The following ADAMTSL1 variants were observed in gnomAD, a reference collection of about 807,000 sequenced individuals.
The protein encoded by ADAMTSL1 is ADAMTS like 1, also known as ADAMTS-like protein 1.
Under a neutral mutation model 201.8 loss-of-function variants are expected in ADAMTSL1, and 126 were observed. The observed-to-expected ratio is 0.62, with a 90% CI of 0.54 to 0.72. The LOEUF is 0.72. Ranked by LOEUF, ADAMTSL1 falls within the 30% of genes least tolerant of loss-of-function variation. ADAMTSL1 has a pLI of 0.00. For synonymous variants in ADAMTSL1, 1,121 were observed against 903.4 expected (o/e 1.24, Z -4.32); for missense variants, 2,679 against 2,277.8 (o/e 1.18, Z -3.59).
chr9:18,565,943 T>C (rs2132310163), intron 3 of ADAMTSL1, among the ~76,000 whole-genome samples: 1 of 152,320 alleles, frequency 6.6e-6, no homozygotes, highest in African/African-American at 2.4e-5. Flanking sequence ...TTAAATGTTA[T>C]ATAAAATTTA....
chr9:18,302,737 G>T (rs773736299), intron 2 of ADAMTSL1, among the ~76,000 whole-genome samples: 22 of 152,202 alleles, frequency 1.4e-4, no homozygotes, highest in South Asian at 1.0e-3. Flanking sequence ...TCTTACTAAT[G>T]CTTAATGGTA....
At chr9:18,227,864 C>T (rs962508489) in intron 2 of ADAMTSL1, among the ~76,000 whole-genome samples, 5 of 152,112 alleles carry the variant, frequency 3.3e-5, no homozygotes, top group African/African-American at 1.2e-4. Flanking sequence ...GATACTGTGT[C>T]TTTCTTCATT....
intron 2 of ADAMTSL1, among the ~76,000 whole-genome samples, chr9:18,207,021 T>C (rs1040259011): frequency 4.0e-5 from 6 of 151,842 alleles, no homozygotes; most frequent in Non-Finnish European, 7.4e-5. Context: ...AAAAATTAGC[T>C]GGGCGTCGTG....
intron 2 of ADAMTSL1, among the ~76,000 whole-genome samples, chr9:18,390,980 G>C (rs564453657): frequency 1.3e-5 from 2 of 152,274 alleles, no homozygotes; most frequent in East Asian, 3.9e-4. Context: ...CTATAGGCTG[G>C]ATGTTGGGGT....
intron 2 of ADAMTSL1, among the ~76,000 whole-genome samples, chr9:18,277,711 T>C (rs1214641614): frequency 1.3e-5 from 2 of 152,206 alleles, no homozygotes; most frequent in Non-Finnish European, 1.5e-5. Context: ...GTTAGAACTT[T>C]TTTCAGTCCT....
intron 1 of ADAMTSL1, among the ~76,000 whole-genome samples, chr9:17,974,694 C>G (rs1818367498): frequency 6.6e-6 from 1 of 152,004 alleles, no homozygotes; most frequent in Non-Finnish European, 1.5e-5. Context: ...ATGGCAGGAT[C>G]TCCTTCTTTT....
At position 18,126,476 on chromosome 9, in the gene ADAMTSL1, C is replaced by T. The variant is rs184063527; in HGVS notation, c.88-37386C>T. Among the ~76,000 whole-genome samples the T allele has an allele frequency of 1.7e-4, 26 of 152,312 alleles. No homozygotes were observed. In the East Asian group the frequency reaches 4.8e-3, roughly 28 times the overall value. ...CCCCTTTGGCGTTGTCTTTATCACA[C>T]TGTACTGCAGCCATCTGTTTACTTG... On this transcript the variant is annotated intron_variant, in intron 1 of 29. Coordinates refer to the ADAMTSL1 transcript ENST00000680146.
At chr9:18,655,957 A>G (rs1828631050) in intron 7 of ADAMTSL1, among the ~76,000 whole-genome samples, 1 of 152,036 alleles carries the variant, frequency 6.6e-6, no homozygotes, top group East Asian at 1.9e-4. Context: ...TTTGTGAAAG[A>G]CACTGCATTG....
At chr9:18,065,202 T>C (rs906078048) in intron 1 of ADAMTSL1, among the ~76,000 whole-genome samples, 1 of 152,144 alleles carries the variant, frequency 6.6e-6, no homozygotes, top group Non-Finnish European at 1.5e-5. Flanking sequence ...ATTCACATCT[T>C]ACCCAGAGGG....
At chr9:18,753,189 GC>G (rs1297550073) in intron 15 of ADAMTSL1, 108 bp from the exon 16 acceptor site, 40 of 1,058,284 alleles carry the variant, frequency 3.8e-5, no homozygotes, top group Non-Finnish European at 5.3e-5. Flanking sequence ...TCTTGGGCTG[GC>G]ACTTCCCACT....
intron 2 of ADAMTSL1, among the ~76,000 whole-genome samples, chr9:18,260,786 G>A (rs973875108): frequency 2.0e-5 from 3 of 152,152 alleles, no homozygotes; most frequent in Non-Finnish European, 2.9e-5. Flanking sequence ...GGCCACTTAC[G>A]GGGGAGGTGA....
At position 18,551,029 on chromosome 9, in the gene ADAMTSL1, C is replaced by G. The variant is rs143123124; in HGVS notation, c.237+17737C>G. Among the ~76,000 whole-genome samples, 34 of 151,776 alleles carry G rather than the reference C, an allele frequency of 2.2e-4. No homozygotes were observed. In the East Asian group the frequency reaches 6.4e-3, roughly 29 times the overall value. ...TAGCTTCCAAACTAACAGAGAAAAT[C>G]TGGAGAATAAAGACAGCCTTACCAA... On this transcript the variant is annotated intron_variant, in intron 3 of 28. Coordinates refer to ENST00000380548, the MANE Select transcript of ADAMTSL1 (RefSeq NM_001040272.6).
intron 2 of ADAMTSL1, among the ~76,000 whole-genome samples, chr9:18,244,072 TAGAG>T (rs1454890750): frequency 5.5e-5 from 8 of 146,322 alleles, no homozygotes; most frequent in South Asian, 4.5e-4. Flanking sequence ...CTAAATGAAA[TAGAG>T]AGAAATGATT....
chr9:18,822,107 A>G (rs1049949023), intron 21 of ADAMTSL1, among the ~76,000 whole-genome samples: 1 of 152,170 alleles, frequency 6.6e-6, no homozygotes, highest in African/African-American at 2.4e-5. Context: ...TAAGATACAA[A>G]TAATACCAGG....
chr9:18,734,305 C>T (rs1818388959), intron 15 of ADAMTSL1, among the ~76,000 whole-genome samples: 1 of 152,170 alleles, frequency 6.6e-6, no homozygotes, highest in Non-Finnish European at 1.5e-5. Context: ...TCTGTGTGTA[C>T]TTTAGAAAAC....
intron 23 of ADAMTSL1, among the ~76,000 whole-genome samples, chr9:18,839,523 A>G (rs1160442508): frequency 6.6e-6 from 1 of 152,108 alleles, no homozygotes; most frequent in Non-Finnish European, 1.5e-5. Context: ...TAGCAGCATG[A>G]TTTATAGTCC....
chr9:18,742,194 G>C (rs1818870956), intron 15 of ADAMTSL1, among the ~76,000 whole-genome samples: 1 of 152,064 alleles, frequency 6.6e-6, no homozygotes, highest in African/African-American at 2.4e-5. Context: ...ACATTCTGAG[G>C]TACTAGGAAT....
chr9:18,099,011 G>C (rs1196747140), intron 1 of ADAMTSL1, among the ~76,000 whole-genome samples: 2 of 151,506 alleles, frequency 1.3e-5, no homozygotes, highest in Non-Finnish European at 2.9e-5. Context: ...ATTTGATTCA[G>C]TTTTATCATT....
At chr9:17,916,360 G>C (rs1826093785) in intron 1 of ADAMTSL1, among the ~76,000 whole-genome samples, 1 of 152,106 alleles carries the variant, frequency 6.6e-6, no homozygotes, top group Admixed American at 6.6e-5. Context: ...TTGTTTCCTG[G>C]ACAATTGTGA....
Sources: gnomAD v4.1 joint callset for allele counts (sites outside exome capture counted in the v4.1 genomes callset) on GRCh38, gnomAD v4.1.1 for gene constraint, MANE v1.5 for transcripts, NCBI Gene and HGNC (gene_info 2026-07-23, HGNC 2026-07-21) for gene names.